Variants in SH2D5 observed in about 807,000 individuals in gnomAD.
SH2D5 encodes SH2 domain containing 5.
SH2D5 carries 45 observed loss-of-function variants against 48.2 expected under a neutral mutation model. The observed-to-expected ratio is 0.93, with a 90% CI of 0.73 to 1.20. The LOEUF is 1.20. SH2D5 is among the 50% of genes most tolerant of loss of function. The probability of loss-of-function intolerance (pLI) is 0.00; values close to 1 mark genes in which losing one functional copy is unlikely to be tolerated. For synonymous variants in SH2D5, 230 were observed against 249.8 expected (o/e 0.92, Z 0.75); for missense variants, 538 against 584.1 (o/e 0.92, Z 0.81).
At position 20,722,751 on chromosome 1, in the gene SH2D5, C is replaced by G. The variant is rs372617285; in HGVS notation, c.1068+5G>C. ...CCCAGGCCCCTCTGGCTGCTGCGCTCTTACCTCCAAGCAGTAGCGGCCCAG... is the reference window on the plus strand; with the variant it reads ...CCCAGGCCCCTCTGGCTGCTGCGCTGTTACCTCCAAGCAGTAGCGGCCCAG... On this transcript the variant is annotated splice_donor_5th_base_variant and intron_variant, in intron 9 of 9. Transcript: ENST00000444387. 58 of 1,481,768 alleles carry G rather than the reference C, an allele frequency of 3.9e-5. No homozygotes were observed. Among genetic ancestry groups the G allele is most frequent in the Non-Finnish European group, 5.0e-5 (56 of 1,109,898 alleles). 91.8% of individuals were successfully genotyped at this position (1,481,768 alleles called of 1,614,324 possible).
chr1:20,724,034 G>A (rs377588472), intron 7 of SH2D5, 49 bp downstream of exon 7: 206 of 1,585,368 alleles, frequency 1.3e-4, no homozygotes, highest in Non-Finnish European at 1.6e-4. Flanking sequence ...AGGAGCGCAC[G>A]GGCACGTGTC....
rs1261378159 is a variant in SH2D5 at position 20,723,840 on chromosome 1, C to A, written c.800-106G>T. The A allele has an allele frequency of 2.8e-6, 3 of 1,057,684 alleles. No individual in the cohort carries two copies. In the African/African-American group the frequency reaches 4.7e-5, roughly 17 times the overall value. The allele number at this position is 1,057,684 out of a possible 1,614,324, so 65.5% of individuals were successfully genotyped here. ...TGGTGTCCTCCCCAAGCCTCTCTAC[C>A]CTGCTCAGCAGACATATCTGCACAC... On this transcript the variant is annotated intron_variant, in intron 7 of 9. Coordinates refer to ENST00000444387, the MANE Select transcript of SH2D5 (RefSeq NM_001103161.2).
chr1:20,721,920 G>C lies in SH2D5; in HGVS notation c.1144C>G (p.Pro382Ala). The change falls in exon 10 of 10, where the codon CCC becomes GCC. Residue 382 changes from proline (P) to alanine (A), a missense_variant. Pro to Ala is a conservative substitution (Grantham distance 27, BLOSUM62 -1). Transcript: ENST00000444387. The part of the protein sequence containing the change: ...HAVTERSLFC[P>A]LDMGRLNPTY... ...GGGTTCAGGCGGCCCATGTCGAGGG[G>C]ACAGAAGAGGCTACGTTCAGTAACC... 1 of 1,613,232 alleles carries C rather than the reference G, an allele frequency of 6.2e-7. No homozygotes were observed. The highest frequency in any genetic ancestry group is 1.3e-5 in the African/African-American group (1 of 75,074).
chr1:20,724,144 G>A lies in SH2D5; in HGVS notation c.738C>T (p.Arg246=). Reference sequence around the variant, plus strand: ...AGGTGCAGCCGCGGTAGGCCCCCGAGCGGATCACCTTGCTGCGAATGGCCT... The same window carrying A: ...AGGTGCAGCCGCGGTAGGCCCCCGAACGGATCACCTTGCTGCGAATGGCCT... ...RKKAIRSKVI[R]SGAYRGCTYE... Residue 246 remains arginine, a synonymous_variant, in exon 7 of 10, where the codon CGC becomes CGT. Coordinates refer to ENST00000444387, the MANE Select transcript of SH2D5 (RefSeq NM_001103161.2). The A allele has an allele frequency of 1.2e-6, 2 of 1,613,066 alleles. No individual in the cohort carries two copies. The highest frequency in any genetic ancestry group is 2.2e-5 in the South Asian group (2 of 91,082).
At chr1:20,724,335 C>G (rs1488198129) in intron 6 of SH2D5, 61 bp downstream of exon 6, 26 of 1,602,280 alleles carry the variant, frequency 1.6e-5, no homozygotes, top group East Asian at 2.2e-5. Context: ...CTGACATGCC[C>G]CCCAAACCCA....
chr1:20,723,995 G>T, intron 7 of SH2D5, 88 bp downstream of exon 7: 1 of 1,507,464 alleles, frequency 6.6e-7, no homozygotes, highest in Non-Finnish European at 9.0e-7. Flanking sequence ...TTGCAGGAAC[G>T]GGCACTCACG....
rs1415664127 is a variant in SH2D5 at position 20,724,548 on chromosome 1, A to C, written c.478T>G (p.Cys160Gly). 4 of 1,605,480 alleles carry C rather than the reference A, an allele frequency of 2.5e-6. No homozygotes were observed. In the Admixed American group the frequency reaches 6.8e-5, roughly 27 times the overall value. ...GGCACCTCCCCTGTGGGCCCTGGGC[A>C]GGGCTCTGGCTGTGCCCGCTCCTCA... ...HPEERAQPEP[C>G]PGPTGEVPLK... The change falls in exon 6 of 10, where the codon TGC becomes GGC. Residue 160 changes from cysteine to glycine, a missense_variant. Transcript: ENST00000444387.
Position 20,728,292 on chromosome 1 carries a change from G to A in SH2D5, c.-42-206C>T, listed in dbSNP as rs1557619715. 1.3e-5 allele frequency among the ~76,000 whole-genome samples: 2 copies of A among 152,242 alleles called. No homozygotes were observed. Among genetic ancestry groups the A allele is most frequent in the Non-Finnish European group, 2.9e-5 (2 of 68,048 alleles). On this transcript the variant is annotated intron_variant, in intron 1 of 9. Transcript: ENST00000444387. This position sits in a 1 kb window ranked among gnomAD's most constrained non-coding sequence, Gnocchi z 4.3. ...GGAGCTTACTTACATTGTTGCTGGG[G>A]AGAAAGACATTGAACTAAATAGTAA...
In SH2D5 at chr1:20,727,033, G is replaced by C; in HGVS notation, c.211C>G (p.Gln71Glu). Residue 71 changes from glutamine (Q) to glutamate (E), a missense_variant, in exon 4 of 10, where the codon CAG becomes GAG. Coordinates refer to ENST00000444387, the MANE Select transcript of SH2D5 (RefSeq NM_001103161.2). ...TCCCCGCTGTAGATCTTGAGACCCT[G>C]AAGGCTGAATTTCAGGATGACGGCC... The part of the protein sequence containing the change: ...RRAVILKFSL[Q>E]GLKIYSGEGE... 6.2e-7 allele frequency: 1 copy of C among 1,612,134 alleles called. No individual in the cohort carries two copies. The highest frequency in any genetic ancestry group is 8.5e-7 in the Non-Finnish European group (1 of 1,179,062).
intron 3 of SH2D5, 55 bp from the exon 4 acceptor site, chr1:20,727,130 C>T (rs1013101310): frequency 2.5e-5 from 37 of 1,474,160 alleles, no homozygotes; most frequent in Middle Eastern, 3.5e-4. Context: ...CTGCCTTGGC[C>T]TGCCCAGCCT....
intron 5 of SH2D5, 101 bp downstream of exon 5, chr1:20,725,819 G>T (rs548060372): frequency 6.9e-7 from 1 of 1,452,212 alleles, no homozygotes; most frequent in Non-Finnish European, 9.4e-7. Flanking sequence ...CCTGGAGGGG[G>T]ATCAGGCCGC....
chr1:20,727,527 A>G lies in SH2D5; in HGVS notation c.164T>C (p.Leu55Pro), dbSNP rs764792415. The change falls in exon 3 of 10, where the codon CTG (leucine) becomes CCG (proline). Residue 55 changes from leucine to proline, a missense_variant. Leu to Pro is a moderately conservative substitution (Grantham distance 98). Transcript: ENST00000444387. ...VWLVQQQLWA[L>P]KDCPRRRAVI... ...GTGCCCTCCCAGGCCACCCACCTTC[A>G]GCGCCCACAGCTGCTGCTGCACCAG... 3.7e-6 allele frequency: 6 copies of G among 1,601,782 alleles called. No individual in the cohort carries two copies. The highest frequency in any genetic ancestry group is 5.1e-6 in the Non-Finnish European group (6 of 1,175,220).
Position 20,721,869 on chromosome 1 carries a change from G to T in SH2D5, c.1195C>A (p.Pro399Thr), listed in dbSNP as rs746499995. 1 of 1,612,818 alleles carries T rather than the reference G, an allele frequency of 6.2e-7. No individual in the cohort carries two copies. Among genetic ancestry groups the T allele is most frequent in the East Asian group, 2.2e-5 (1 of 44,874 alleles). ...AGAGTCCGGGGCGGCCTGCCTGGGG[G>T]CCCACAGTCCTGCTCCTCGTAGGTG... ...NPTYEEQDCGPPGRPPRTLRP... is the reference protein window; with the variant it reads ...NPTYEEQDCGTPGRPPRTLRP... The change falls in exon 10 of 10, where the codon CCC becomes ACC. Residue 399 changes from proline to threonine, a missense_variant. Pro to Thr is a conservative substitution (Grantham distance 38). Coordinates refer to ENST00000444387, the MANE Select transcript of SH2D5 (RefSeq NM_001103161.2).
At position 20,723,500 on chromosome 1, in the gene SH2D5, T is replaced by C. The variant is rs896504923; in HGVS notation, c.908+126A>G. 18 of 675,148 alleles carry C rather than the reference T, an allele frequency of 2.7e-5. No homozygotes were observed. In the Admixed American group the frequency reaches 3.7e-4, roughly 14 times the overall value. 41.8% of individuals were successfully genotyped at this position (675,148 alleles called of 1,614,324 possible). A position where few individuals can be genotyped will look rare whatever the true frequency, so the allele number is the denominator to read the frequency against. On this transcript the variant is annotated intron_variant, in intron 8 of 9. Coordinates refer to ENST00000444387, the MANE Select transcript of SH2D5 (RefSeq NM_001103161.2). ...GCCCAGGGTGGTGAAGTCCCAGGCC[T>C]GAGGTCACTGAGGTTGGGAGCGCTC... is the stretch of plus-strand genomic sequence containing the variant.
In SH2D5 at chr1:20,727,847, G is replaced by T; in HGVS notation, c.87+111C>A. On this transcript the variant is annotated intron_variant, in intron 2 of 9. Coordinates refer to ENST00000444387, the MANE Select transcript of SH2D5 (RefSeq NM_001103161.2). ...ACACACACTCCCCAGCCCAAGTCAG[G>T]CAAGAAAGAGGTGGAAATAGGTCCT... 4.0e-6 allele frequency: 4 copies of T among 997,970 alleles called. No individual in the cohort carries two copies. The South Asian group carries it at 4.1e-5, about 10-fold the overall frequency. The allele number at this position is 997,970 out of a possible 1,614,324, so 61.8% of individuals were successfully genotyped here.
At chr1:20,725,888 C>T (rs769833610) in intron 5 of SH2D5, 32 bp downstream of exon 5, 30 of 1,609,112 alleles carry the variant, frequency 1.9e-5, no homozygotes, top group South Asian at 3.3e-5. Flanking sequence ...CTCCGGCCTC[C>T]GTGGCGGTCC....
rs1236344475 is a variant in SH2D5, at chr1:20,719,755, T to A, written c.*2037A>T. ...CTGAAGCAACACATTTTATTTTGTT[T>A]CAAGTCCACACAGCAAGGAAAGTGG... On this transcript the variant is annotated 3_prime_UTR_variant, in exon 10 of 10. Coordinates refer to ENST00000444387, the MANE Select transcript of SH2D5 (RefSeq NM_001103161.2). 1.3e-5 allele frequency: 2 copies of A among 152,202 alleles called. No individual in the cohort carries two copies. Among genetic ancestry groups the A allele is most frequent in the Non-Finnish European group, 2.9e-5 (2 of 68,032 alleles). The allele number at this position is 152,202 out of a possible 1,614,324, so 9.4% of individuals were successfully genotyped here. A position where few individuals can be genotyped will look rare whatever the true frequency, so the allele number is the denominator to read the frequency against.
chr1:20,725,468 G>A (rs1431573826), intron 5 of SH2D5, among the ~76,000 whole-genome samples: 1 of 152,206 alleles, frequency 6.6e-6, no homozygotes, highest in East Asian at 1.9e-4. Flanking sequence ...CCCAGACTCG[G>A]CTCTCAAAGA....
chr1:20,731,353 G>C (rs542203701), intron 1 of SH2D5: 1 of 152,526 alleles, frequency 6.6e-6, no homozygotes, highest in South Asian at 2.1e-4. Flanking sequence ...TAGATTGTGG[G>C]GTCTAACATG....
Sources: allele counts gnomAD v4.1 joint callset (sites outside exome capture counted in the v4.1 genomes callset), GRCh38; gene constraint gnomAD v4.1.1; non-coding constraint Gnocchi (gnomAD v3.1); transcripts MANE v1.5; gene names NCBI Gene and HGNC (gene_info 2026-07-23, HGNC 2026-07-21).